The following MGAT4A variants were observed in gnomAD, a reference collection of about 807,000 sequenced individuals.
MGAT4A encodes the protein alpha-1,3-mannosyl-glycoprotein 4-beta-N-acetylglucosaminyltransferase A.
Under a neutral mutation model 74.1 loss-of-function variants are expected in MGAT4A, and 33 were observed. The ratio of observed to expected loss-of-function variants is 0.45; its 90% confidence interval spans 0.34 to 0.60. The LOEUF is 0.60. MGAT4A is among the 20% of genes least tolerant of loss of function. The pLI, the probability that MGAT4A is intolerant of heterozygous loss-of-function variation, is 0.02. For synonymous variants in MGAT4A, 198 were observed against 210.4 expected, an observed-to-expected ratio of 0.94 and a Z score of 0.51; for missense variants, 479 against 628.3, an observed-to-expected ratio of 0.76 and a Z score of 2.54.
intron 4 of MGAT4A, among the ~76,000 whole-genome samples, chr2:98,668,756 G>A (rs1701872759): frequency 6.6e-6 from 1 of 152,224 alleles, no homozygotes; most frequent in Admixed American, 6.5e-5. Context: ...ACCCCGCAGA[G>A]CCACAGGGGC....
chr2:98,622,681 G>A lies in MGAT4A; in HGVS notation c.*2885C>T. On this transcript the variant is annotated 3_prime_UTR_variant, in exon 16 of 16. Transcript: ENST00000393487. Reference sequence around the variant, plus strand: ...GAAAGGAGGGAGTAACTAACAGTGAGAGGCCCTGAGCACCCACCATAGGAG... The same window carrying A: ...GAAAGGAGGGAGTAACTAACAGTGAAAGGCCCTGAGCACCCACCATAGGAG... 2.0e-5 allele frequency: 20 copies of A among 985,626 alleles called. No individual in the cohort carries two copies. Among genetic ancestry groups the A allele is most frequent in the Non-Finnish European group, 2.4e-5 (20 of 830,092 alleles). The allele number at this position is 985,626 out of a possible 1,614,324, so 61.1% of individuals were successfully genotyped here. A position where few individuals can be genotyped will look rare whatever the true frequency, so the allele number is the denominator to read the frequency against.
Position 98,653,823 on chromosome 2 carries a change from T to C in MGAT4A, c.774+1622A>G, listed in dbSNP as rs111894915. On this transcript the variant is annotated intron_variant, in intron 8 of 15. Coordinates refer to ENST00000393487, the MANE Select transcript of MGAT4A (RefSeq NM_012214.3). The stretch of plus-strand genomic sequence containing the variant: ...GAGGGAACACTTTTCAAACACATTC[T>C]AGGAGGCCTGCATTTCTCTGACACC... Among the ~76,000 whole-genome samples, 54 of 152,260 alleles carry C rather than the reference T, an allele frequency of 3.5e-4. 1 individual carries two copies. Among genetic ancestry groups the C allele is most frequent in the African/African-American group, 1.3e-3 (52 of 41,560 alleles).
rs1280046147 is a variant in MGAT4A, at chr2:98,636,558, C to T, written c.1360G>A (p.Asp454Asn). ...FHSGNQEHPGDILLNTTVEVL... is the reference protein window; with the variant it reads ...FHSGNQEHPGNILLNTTVEVL... ...TCCACAGTTGTGTTTAGCAGAATATCTCCAGGATGTTCTTGGTTGCCGCTA... is the reference window on the plus strand; with the variant it reads ...TCCACAGTTGTGTTTAGCAGAATATTTCCAGGATGTTCTTGGTTGCCGCTA... The change falls in exon 13 of 16, where the codon GAT (aspartate) becomes AAT (asparagine). Residue 454 changes from aspartate to asparagine, a missense_variant. Physicochemically the swap from Asp to Asn is conservative, Grantham distance 23. Around this residue, in one of 3 missense-constraint regions of MGAT4A, gnomAD observed 236 missense variants for 308.2 expected, o/e 0.77. Transcript: ENST00000393487. The T allele has an allele frequency of 6.2e-7, 1 of 1,613,914 alleles. No individual in the cohort carries two copies.
intron 2 of MGAT4A, among the ~76,000 whole-genome samples, chr2:98,723,651 A>G (rs146773854): frequency 0.012 from 1,795 of 152,250 alleles, 17 homozygotes; most frequent in Middle Eastern, 0.031. Context: ...GCATCTCACA[A>G]TTCCAAAGGA....
intron 2 of MGAT4A, among the ~76,000 whole-genome samples, chr2:98,686,646 A>G (rs1702135785): frequency 6.6e-6 from 1 of 151,568 alleles, no homozygotes; most frequent in Non-Finnish European, 1.5e-5. Flanking sequence ...TCCTGGGTTT[A>G]AGCAATTCTC....
intron 2 of MGAT4A, among the ~76,000 whole-genome samples, chr2:98,707,207 CT>C (rs1702451935): frequency 6.6e-6 from 1 of 152,060 alleles, no homozygotes; most frequent in African/African-American, 2.4e-5. Context: ...GAGAGAGACC[CT>C]GTCTCCATTT....
At chr2:98,640,612 A>G (rs1306358751) in intron 10 of MGAT4A, among the ~76,000 whole-genome samples, 2 of 152,186 alleles carry the variant, frequency 1.3e-5, no homozygotes, top group African/African-American at 2.4e-5. Context: ...ACAAAAACAA[A>G]CAAACAAACA....
At chr2:98,728,357 C>T (rs1326545544) in intron 1 of MGAT4A, among the ~76,000 whole-genome samples, 1 of 152,206 alleles carries the variant, frequency 6.6e-6, no homozygotes, top group Non-Finnish European at 1.5e-5. Flanking sequence ...TATTCTCATG[C>T]AGAAGTTATC....
At chr2:98,713,216 T>G (rs1193614060) in intron 2 of MGAT4A, among the ~76,000 whole-genome samples, 1 of 145,538 alleles carries the variant, frequency 6.9e-6, no homozygotes, top group African/African-American at 2.6e-5. Flanking sequence ...AAAAGCCGTT[T>G]ATCTTTAGGT....
chr2:98,677,598 G>A (rs1051953345), intron 3 of MGAT4A, among the ~76,000 whole-genome samples: 10 of 151,870 alleles, frequency 6.6e-5, no homozygotes, highest in African/African-American at 7.3e-5. Context: ...CACTACAGGC[G>A]CACACCAACA....
At chr2:98,715,480 G>A (rs533847638) in intron 2 of MGAT4A, among the ~76,000 whole-genome samples, 4 of 152,166 alleles carry the variant, frequency 2.6e-5, no homozygotes, top group South Asian at 2.1e-4. Flanking sequence ...AAAAAAGAAC[G>A]AGATCATGTC....
At chr2:98,691,564 C>G (rs1003385785) in intron 2 of MGAT4A, among the ~76,000 whole-genome samples, 2 of 152,236 alleles carry the variant, frequency 1.3e-5, no homozygotes, top group African/African-American at 4.8e-5. Flanking sequence ...AATAAACCTA[C>G]TGCACTGCCA....
intron 2 of MGAT4A, among the ~76,000 whole-genome samples, chr2:98,708,828 T>C (rs556965076): frequency 3.3e-5 from 5 of 152,136 alleles, no homozygotes; most frequent in East Asian, 1.9e-4. Flanking sequence ...ACATAAACAA[T>C]AGGGTGAGAA....
At chr2:98,652,232 C>A (rs1701589539) in intron 8 of MGAT4A, among the ~76,000 whole-genome samples, 1 of 152,088 alleles carries the variant, frequency 6.6e-6, no homozygotes, top group African/African-American at 2.4e-5. Context: ...ATAAAGAACA[C>A]TGATCCCAAC....
rs1260282485 is a variant in MGAT4A, at chr2:98,656,409, T to C, written c.641A>G (p.Tyr214Cys). The C allele has an allele frequency of 1.2e-6, 2 of 1,612,764 alleles. No individual in the cohort carries two copies. The highest frequency in any genetic ancestry group is 1.7e-6 in the Non-Finnish European group (2 of 1,179,352). ...LVEVISPPESYYPDLTNLKET... is the reference protein window; with the variant it reads ...LVEVISPPESCYPDLTNLKET... ...CTTTAGGTTTGTCAAGTCAGGATAA[T>C]AGCTTTCAGGGGGTGATATGACTTC... The change falls in exon 7 of 16, where the codon TAT (tyrosine) becomes TGT (cysteine). Residue 214 changes from tyrosine (Y) to cysteine (C), a missense_variant. Physicochemically the swap from Tyr to Cys is radical, Grantham distance 194. Around this residue, in one of 3 missense-constraint regions of MGAT4A, gnomAD observed 38 missense variants for 87.4 expected, o/e 0.43. Transcript: ENST00000393487.
chr2:98,641,130 C>T (rs1701401888), intron 10 of MGAT4A, among the ~76,000 whole-genome samples: 1 of 152,088 alleles, frequency 6.6e-6, no homozygotes, highest in Non-Finnish European at 1.5e-5. Context: ...TGTGCAACAC[C>T]GAGGGCCACC....
chr2:98,629,645 T>C lies in MGAT4A; in HGVS notation c.1469-3810A>G, dbSNP rs574770777. Among the ~76,000 whole-genome samples the C allele has an allele frequency of 4.3e-4, 65 of 152,308 alleles. 3 individuals carry two copies. In the South Asian group the frequency reaches 0.011, roughly 26 times the overall value. On this transcript the variant is annotated intron_variant, in intron 14 of 15. Coordinates refer to ENST00000393487, the MANE Select transcript of MGAT4A (RefSeq NM_012214.3). ...ACAGTACATACACTACCGCAAAAGA[T>C]TGCAAACAACCTAAGTATCCATCAC...
chr2:98,705,966 A>AAAG (rs1403596112), intron 2 of MGAT4A, among the ~76,000 whole-genome samples: 1 of 151,492 alleles, frequency 6.6e-6, no homozygotes, highest in African/African-American at 2.4e-5. Flanking sequence ...AAAAAAAAAA[A>AAAG]AAAAAGAAAA....
intron 2 of MGAT4A, among the ~76,000 whole-genome samples, chr2:98,711,699 C>T (rs1022623697): frequency 1.3e-5 from 2 of 152,130 alleles, no homozygotes; most frequent in African/African-American, 4.8e-5. Context: ...ACGTTAGCCT[C>T]AATCATGGCT....
Sources: allele counts gnomAD v4.1 joint callset (sites outside exome capture counted in the v4.1 genomes callset), GRCh38; gene constraint gnomAD v4.1.1; regional missense constraint gnomAD v4.1.1; transcripts MANE v1.5; gene names NCBI Gene and HGNC (gene_info 2026-07-23, HGNC 2026-07-21).